The following CCDC144A variants were observed in gnomAD, a reference collection of about 807,000 sequenced individuals.
CCDC144A encodes coiled-coil domain containing 144A, also known as coiled-coil domain-containing protein 144A.
A neutral mutation model predicts 143.8 loss-of-function variants in CCDC144A; 41 were observed. That is an observed-to-expected ratio of 0.29 (90% CI 0.22 to 0.37). The LOEUF (loss-of-function observed/expected upper bound fraction) is 0.37. Ranked by LOEUF, CCDC144A falls within the 10% of genes least tolerant of loss-of-function variation. The pLI is 1.00. For synonymous variants in CCDC144A, 242 were observed against 517.9 expected (o/e 0.47, Z 7.23); for missense variants, 637 against 1,488.8 (o/e 0.43, Z 9.41).
Position 16,690,565 on chromosome 17 carries a change from A to G in CCDC144A, c.165A>G (p.Lys55=), listed in dbSNP as rs768817864. The part of the protein sequence containing the change: ...WSSGFPYSWW[K]NSVGSESKHG... Reference sequence around the variant, plus strand: ...CGGGCTTCCCCTACAGCTGGTGGAAAAACAGCGTCGGCAGCGAGAGCAAGC... The same window carrying G: ...CGGGCTTCCCCTACAGCTGGTGGAAGAACAGCGTCGGCAGCGAGAGCAAGC... The change falls in exon 1 of 17, where the codon AAA becomes AAG. Residue 55 remains lysine (K), a synonymous_variant. Coordinates refer to ENST00000399273, the MANE Select transcript of CCDC144A (RefSeq NM_001382000.1). 18 of 1,613,706 alleles carry G rather than the reference A, an allele frequency of 1.1e-5. No homozygotes were observed. The highest frequency in any genetic ancestry group is 2.2e-5 in the South Asian group (2 of 91,060).
At chr17:16,693,665 C>T (rs937636907) in intron 2 of CCDC144A, among the ~76,000 whole-genome samples, 1 of 152,006 alleles carries the variant, frequency 6.6e-6, no homozygotes. Flanking sequence ...TTTATAGTCA[C>T]CTTATAATGA....
chr17:16,675,281 A>T, the CCDC144A span, among the ~76,000 whole-genome samples: 2 of 151,920 alleles, frequency 1.3e-5, no homozygotes, highest in African/African-American at 4.8e-5. Flanking sequence ...AAAAAAAAAA[A>T]AAAAGTGGAT....
the CCDC144A span, among the ~76,000 whole-genome samples, chr17:16,667,329 AGGCTGAGGCGGCTGAGGAGCTGAGG>A: frequency 0.028 from 2,984 of 107,898 alleles, 89 homozygotes; most frequent in African/African-American, 0.093. Flanking sequence ...GAGGCTGAGG[AGGCTGAGGCGGCTGAGGAGCTGAGG>A]GGCTGAGGCG....
intron 15 of CCDC144A, among the ~76,000 whole-genome samples, chr17:16,770,522 C>T (rs1430407524): frequency 1.3e-5 from 2 of 152,052 alleles, no homozygotes; most frequent in African/African-American, 4.8e-5. Flanking sequence ...ACTCCAGGCT[C>T]AGTGAAAGAT....
At chr17:16,742,835 T>A (rs1433447983) in intron 12 of CCDC144A, among the ~76,000 whole-genome samples, 1 of 152,200 alleles carries the variant, frequency 6.6e-6, no homozygotes, top group Non-Finnish European at 1.5e-5. Flanking sequence ...TACTTTTCCA[T>A]ACATTTGTGG....
At chr17:16,689,147 CCTTT>C (rs1910899918), upstream of CCDC144A, among the ~76,000 whole-genome samples, 1 of 152,036 alleles carries the variant, frequency 6.6e-6, no homozygotes, top group Non-Finnish European at 1.5e-5. Context: ...TTTCTTTCTT[CCTTT>C]CTTCCTTCCT....
At chr17:16,698,588 T>G (rs1474855170) in intron 2 of CCDC144A, among the ~76,000 whole-genome samples, 7 of 152,146 alleles carry the variant, frequency 4.6e-5, no homozygotes, top group Admixed American at 4.6e-4. Context: ...CCTAAGGTCA[T>G]ATGTGAGGAA....
chr17:16,686,747 A>AACACACACACACAC (rs142329474), upstream of CCDC144A, among the ~76,000 whole-genome samples: 195 of 140,488 alleles, frequency 1.4e-3, 3 homozygotes, highest in African/African-American at 4.7e-3. Context: ...CACACACACA[A>AACACACACACACAC]ACACACACAC....
chr17:16,677,640 C>T, the CCDC144A span, among the ~76,000 whole-genome samples: 3 of 151,824 alleles, frequency 2.0e-5, no homozygotes, highest in African/African-American at 7.3e-5. Context: ...TGAGACCAGC[C>T]TGGCCACATG....
At chr17:16,718,010 T>C (rs1038850557) in intron 6 of CCDC144A, among the ~76,000 whole-genome samples, 11 of 152,188 alleles carry the variant, frequency 7.2e-5, no homozygotes, top group African/African-American at 1.9e-4. Context: ...TAGATGAGGT[T>C]GAAAGAAGTT....
chr17:16,749,848 T>C (rs942251750), intron 12 of CCDC144A, among the ~76,000 whole-genome samples: 40 of 152,226 alleles, frequency 2.6e-4, no homozygotes, highest in Admixed American at 6.5e-5. Context: ...GTAATGCCCT[T>C]CTTCATCCTT....
At chr17:16,745,646 C>T in intron 12 of CCDC144A, 1 of 1,589,810 alleles carries the variant, frequency 6.3e-7, no homozygotes, top group South Asian at 1.1e-5. Context: ...CTGCCTCTTC[C>T]CTCTTCTCAG....
chr17:16,673,010 A>C, the CCDC144A span, among the ~76,000 whole-genome samples: 1 of 152,166 alleles, frequency 6.6e-6, no homozygotes, highest in Admixed American at 6.6e-5. Context: ...GCAAGTTTGA[A>C]ATTATTCTAG....
At position 16,775,139 on chromosome 17, in the gene CCDC144A, TCTTTG is replaced by T. The variant is rs1915962645; in HGVS notation, c.*1509_*1513del. ...GATGGGCTTTTAGGTTGATTCTTTGTCTTTGCTATTGTGAATAGTGCTGCAATGAA... is the reference window on the plus strand; with the variant it reads ...GATGGGCTTTTAGGTTGATTCTTTGTCTATTGTGAATAGTGCTGCAATGAA... On this transcript the variant is annotated 3_prime_UTR_variant, in exon 17 of 17. Transcript: ENST00000399273. The T allele has an allele frequency of 6.6e-6, 1 of 152,262 alleles. No homozygotes were observed. The highest frequency in any genetic ancestry group is 1.5e-5 in the Non-Finnish European group (1 of 68,066). 9.4% of individuals were successfully genotyped at this position (152,262 alleles called of 1,614,324 possible).
At chr17:16,711,643 A>G (rs1216766238) in intron 5 of CCDC144A, 36 bp from the exon 6 acceptor site, 1 of 1,610,298 alleles carries the variant, frequency 6.2e-7, no homozygotes, top group Non-Finnish European at 8.5e-7. Context: ...GAATAAAGCA[A>G]TAACAATCAT....
At chr17:16,748,044 AT>A (rs1280251558) in intron 12 of CCDC144A, among the ~76,000 whole-genome samples, 1 of 151,448 alleles carries the variant, frequency 6.6e-6, no homozygotes, top group Non-Finnish European at 1.5e-5. Flanking sequence ...TTTTTCTTTA[AT>A]TTTTTTCTTT....
At chr17:16,680,665 GAC>G in the CCDC144A span, among the ~76,000 whole-genome samples, 2 of 149,184 alleles carry the variant, frequency 1.3e-5, no homozygotes, top group South Asian at 2.2e-4. Context: ...GGGAGGGAGA[GAC>G]AGAGAGAGAG....
At chr17:16,742,490 T>C (rs1914302540) in intron 12 of CCDC144A, among the ~76,000 whole-genome samples, 1 of 152,182 alleles carries the variant, frequency 6.6e-6, no homozygotes, top group African/African-American at 2.4e-5. Flanking sequence ...GTTGATTCTG[T>C]ATCTTGGTTG....
At chr17:16,711,867 C>T (rs1912470006) in intron 6 of CCDC144A, 52 bp downstream of exon 6, 1 of 1,553,888 alleles carries the variant, frequency 6.4e-7, no homozygotes, top group Non-Finnish European at 8.7e-7. Context: ...CGTGGTGGCT[C>T]ACGCCTGTAA....
Sources: allele counts gnomAD v4.1 joint callset (sites outside exome capture counted in the v4.1 genomes callset), GRCh38; gene constraint gnomAD v4.1.1; transcripts MANE v1.5; gene names NCBI Gene and HGNC (gene_info 2026-07-23, HGNC 2026-07-21).